Variants in LRRK2 observed in about 807,000 individuals in gnomAD.
LRRK2 encodes the protein leucine-rich repeat serine/threonine-protein kinase 2.
Under a neutral mutation model 302.6 loss-of-function variants are expected in LRRK2, and 203 were observed. The ratio of observed to expected loss-of-function variants is 0.67; its 90% confidence interval spans 0.60 to 0.75. The LOEUF (loss-of-function observed/expected upper bound fraction) is 0.75, where lower values mean the gene tolerates loss of function less well. LRRK2 is among the 30% of genes least tolerant of loss of function. The pLI, the probability that LRRK2 is intolerant of heterozygous loss-of-function variation, is 0.00. For synonymous variants in LRRK2, 1,066 were observed against 1,031.9 expected, an observed-to-expected ratio of 1.03 and a Z score of -0.63; for missense variants, 2,830 against 2,951.0, an observed-to-expected ratio of 0.96 and a Z score of 0.95.
chr12:40,235,003 AT>A (rs965939229), intron 3 of LRRK2, among the ~76,000 whole-genome samples: 31 of 151,692 alleles, frequency 2.0e-4, no homozygotes, highest in Admixed American at 4.6e-4. Context: ...TCCCCTGTTG[AT>A]TTTTTTTTAT....
At chr12:40,289,433 G>A (rs1303222362) in intron 20 of LRRK2, among the ~76,000 whole-genome samples, 2 of 150,454 alleles carry the variant, frequency 1.3e-5, no homozygotes, top group Non-Finnish European at 3.0e-5. Context: ...ACTTTATGCT[G>A]GGATTTTTAT....
intron 41 of LRRK2, among the ~76,000 whole-genome samples, chr12:40,345,430 C>T (rs1192482650): frequency 6.6e-6 from 1 of 151,814 alleles, no homozygotes; most frequent in Admixed American, 6.6e-5. Flanking sequence ...CAAGACCAGC[C>T]TGACCAACAT....
intron 6 of LRRK2, among the ~76,000 whole-genome samples, chr12:40,242,742 A>G (rs12814307): frequency 7.0e-6 from 1 of 143,706 alleles, no homozygotes; most frequent in Non-Finnish European, 1.5e-5. Flanking sequence ...TAGACCCTCC[A>G]CAATGGTTGA....
intron 24 of LRRK2, among the ~76,000 whole-genome samples, 193 bp downstream of exon 24, chr12:40,298,686 C>T (rs1169337099): frequency 6.7e-6 from 1 of 148,386 alleles, no homozygotes; most frequent in Non-Finnish European, 1.5e-5. Flanking sequence ...GCATGAGAAT[C>T]GCTTGAACCC....
intron 40 of LRRK2, among the ~76,000 whole-genome samples, chr12:40,337,133 CA>C (rs11356084): frequency 0.51 from 77,214 of 151,946 alleles, 19,673 homozygotes; most frequent in South Asian, 0.59. Context: ...CAGTAGCTAT[CA>C]ATCTTCTACC....
At chr12:40,305,209 T>C (rs1416370290) in intron 27 of LRRK2, among the ~76,000 whole-genome samples, 1 of 152,182 alleles carries the variant, frequency 6.6e-6, no homozygotes, top group African/African-American at 2.4e-5. Context: ...TGTCTGACAC[T>C]GTGAGGTTCA....
At chr12:40,277,299 T>A (rs1477878432) in intron 16 of LRRK2, among the ~76,000 whole-genome samples, 1 of 152,186 alleles carries the variant, frequency 6.6e-6, no homozygotes, top group Non-Finnish European at 1.5e-5. Flanking sequence ...TCTAAAAAAG[T>A]AACGGTGTTC....
chr12:40,242,933 T>C (rs1338689610), intron 6 of LRRK2, among the ~76,000 whole-genome samples: 1 of 149,940 alleles, frequency 6.7e-6, no homozygotes, highest in Non-Finnish European at 1.5e-5. Context: ...ATGATAGTTA[T>C]ATGGGAGATA....
Position 40,364,842 on chromosome 12 carries a change from G to A in LRRK2, c.7182G>A (p.Arg2394=). 1 of 1,603,648 alleles carries A rather than the reference G, an allele frequency of 6.2e-7. No individual in the cohort carries two copies. The highest frequency in any genetic ancestry group is 8.5e-7 in the Non-Finnish European group (1 of 1,171,508). Residue 2394 remains arginine (R), a splice_region_variant and synonymous_variant, in exon 49 of 51, where the codon AGG becomes AGA. Coordinates refer to ENST00000298910, the MANE Select transcript of LRRK2 (RefSeq NM_198578.4). ...ATTAATGTATACTTTATGGTTCTAG[G>A]GAGGTAATGGTAAAAGAAAACAAGG... The part of the protein sequence containing the change: ...CGLIDCVHFL[R]EVMVKENKES...
At chr12:40,278,377 A>G in intron 18 of LRRK2, 116 bp downstream of exon 18, 1 of 1,271,092 alleles carries the variant, frequency 7.9e-7, no homozygotes, top group Non-Finnish European at 1.1e-6. Context: ...GAAATTTACC[A>G]GTTTATTGCA....
At chr12:40,285,492 A>G (rs1943884314) in intron 19 of LRRK2, among the ~76,000 whole-genome samples, 1 of 152,010 alleles carries the variant, frequency 6.6e-6, no homozygotes, top group Admixed American at 6.6e-5. Flanking sequence ...TATGAATTTA[A>G]ATTGTCCTCT....
chr12:40,337,725 C>T (rs1380369599), intron 40 of LRRK2, among the ~76,000 whole-genome samples: 1 of 152,194 alleles, frequency 6.6e-6, no homozygotes, highest in East Asian at 1.9e-4. Context: ...CTTGACAGTT[C>T]TCAATTATCT....
chr12:40,251,600 C>G, intron 10 of LRRK2, 56 bp downstream of exon 10: 1 of 1,350,106 alleles, frequency 7.4e-7, no homozygotes, highest in Non-Finnish European at 1.0e-6. Flanking sequence ...TAAATCAATA[C>G]CTATAAAATA....
chr12:40,278,545 G>C (rs1353986437), intron 18 of LRRK2, among the ~76,000 whole-genome samples: 2 of 152,114 alleles, frequency 1.3e-5, no homozygotes. Context: ...CTACAACTTA[G>C]TCTCCAGATA....
At chr12:40,292,384 C>A (rs968619708) in intron 20 of LRRK2, among the ~76,000 whole-genome samples, 6 of 151,924 alleles carry the variant, frequency 3.9e-5, no homozygotes, top group African/African-American at 1.5e-4. Context: ...TGAAAGAACT[C>A]TCTTCAAGTA....
In LRRK2 at chr12:40,354,487, G is replaced by A; in HGVS notation, c.6765G>A (p.Lys2255=). The A allele has an allele frequency of 6.2e-7, 1 of 1,613,718 alleles. No individual in the cohort carries two copies. The highest frequency in any genetic ancestry group is 1.1e-5 in the South Asian group (1 of 91,070). The change falls in exon 45 of 51, where the codon AAG becomes AAA. Residue 2255 remains lysine, a synonymous_variant. Transcript: ENST00000298910. ...GTTTGTATTGCAATTCCTTTTCCAAGCAAAGGTATGGTAGTGAATTTGATC... is the reference window on the plus strand; with the variant it reads ...GTTTGTATTGCAATTCCTTTTCCAAACAAAGGTATGGTAGTGAATTTGATC... ...VTCLYCNSFS[K]QSKQKNFLLV... is the part of the protein sequence containing the mutation.
At chr12:40,349,432 C>T (rs896572721) in intron 43 of LRRK2, among the ~76,000 whole-genome samples, 19 of 152,152 alleles carry the variant, frequency 1.2e-4, no homozygotes, top group Admixed American at 1.1e-3. Context: ...ACCACATTGT[C>T]GTTTGGATTG....
chr12:40,310,349 C>T, intron 30 of LRRK2, 82 bp from the exon 31 acceptor site: 1 of 1,301,160 alleles, frequency 7.7e-7, no homozygotes, highest in African/African-American at 1.5e-5. Flanking sequence ...AAGTGAATGT[C>T]ACGGAAAGCA....
In LRRK2 at chr12:40,367,097, T is replaced by C. The variant is rs1201441318; in HGVS notation, c.7462+20T>C. On this transcript the variant is annotated intron_variant, in intron 50 of 50. Transcript: ENST00000298910. ...AGAAAGGTAACATTTAGAAGGATAC[T>C]GTTTTCCAAACAGGGCAATGATGTG... 1.3e-6 allele frequency: 2 copies of C among 1,585,646 alleles called. No individual in the cohort carries two copies. The highest frequency in any genetic ancestry group is 2.2e-5 in the East Asian group (1 of 44,464).
Sources: gnomAD v4.1 joint callset for allele counts (sites outside exome capture counted in the v4.1 genomes callset) on GRCh38, gnomAD v4.1.1 for gene constraint, MANE v1.5 for transcripts, NCBI Gene and HGNC (gene_info 2026-07-23, HGNC 2026-07-21) for gene names.